DARS1: variants seen among roughly 807,000 people sequenced by gnomAD.
DARS1 encodes aspartyl-tRNA synthetase 1, also known as aspartate--tRNA ligase, cytoplasmic.
A neutral mutation model predicts 68.8 loss-of-function variants in DARS1; 51 were observed. The observed-to-expected ratio is 0.74, with a 90% CI of 0.59 to 0.94. The LOEUF (loss-of-function observed/expected upper bound fraction) is 0.94, where lower values mean the gene tolerates loss of function less well. DARS1 is among the 40% of genes least tolerant of loss of function. The probability of loss-of-function intolerance (pLI) is 0.00; values close to 1 mark genes in which losing one functional copy is unlikely to be tolerated. For synonymous variants in DARS1, 203 were observed against 190.4 expected, an observed-to-expected ratio of 1.07 and a Z score of -0.55; for missense variants, 607 against 597.3, an observed-to-expected ratio of 1.02 and a Z score of -0.17.
chr2:135,917,357 G>T (rs779291161), intron 10 of DARS1, among the ~76,000 whole-genome samples: 1 of 151,902 alleles, frequency 6.6e-6, no homozygotes, highest in African/African-American at 2.4e-5. Context: ...TTTTGTATGT[G>T]TTTGAAATTT....
At chr2:135,915,442 A>C (rs1680984392) in intron 11 of DARS1, among the ~76,000 whole-genome samples, 1 of 151,960 alleles carries the variant, frequency 6.6e-6, no homozygotes, top group Admixed American at 6.6e-5. Context: ...GTGTGCCACC[A>C]TGTTCAGCTA....
intron 9 of DARS1, among the ~76,000 whole-genome samples, chr2:135,921,163 A>C (rs1681104171): frequency 1.3e-5 from 2 of 150,118 alleles, no homozygotes; most frequent in South Asian, 4.3e-4. Flanking sequence ...CCTCCTGTCC[A>C]GTCTTTTTGA....
chr2:135,917,905 A>T (rs1681041030), intron 10 of DARS1, among the ~76,000 whole-genome samples: 1 of 151,474 alleles, frequency 6.6e-6, no homozygotes, highest in Admixed American at 6.6e-5. Flanking sequence ...AAGACCCCAT[A>T]ATTGATTTTT....
At chr2:135,917,158 C>A (rs886636095) in intron 10 of DARS1, among the ~76,000 whole-genome samples, 3 of 150,112 alleles carry the variant, frequency 2.0e-5, no homozygotes, top group Non-Finnish European at 3.0e-5. Context: ...AGACTCGTCT[C>A]AAAAAAAAGA....
At chr2:135,953,766 T>C (rs1051474240) in intron 4 of DARS1, among the ~76,000 whole-genome samples, 2 of 152,212 alleles carry the variant, frequency 1.3e-5, no homozygotes, top group African/African-American at 2.4e-5. Context: ...TACTGCTTTA[T>C]AGTGGAAGAG....
At chr2:135,907,867 A>C (rs896246493) in intron 15 of DARS1, among the ~76,000 whole-genome samples, 3 of 152,188 alleles carry the variant, frequency 2.0e-5, no homozygotes, top group Non-Finnish European at 4.4e-5. Context: ...ACCCTACGAT[A>C]AAAAGCTCTG....
rs536073545 is a variant in DARS1 at position 135,961,202 on chromosome 2, A to G, written c.320+194T>C. On this transcript the variant is annotated intron_variant, in intron 4 of 15. Transcript: ENST00000264161. ...AGTGCTGCTTCAGCAGTTCCAAATG[A>G]ATTTCAAGCCTGTGCTCCATATTTT... Among the ~76,000 whole-genome samples the G allele has an allele frequency of 6.6e-5, 10 of 152,350 alleles. No homozygotes were observed. The South Asian group carries it at 2.1e-3, about 32-fold the overall frequency.
intron 5 of DARS1, among the ~76,000 whole-genome samples, chr2:135,937,357 T>C (rs1681493320): frequency 6.6e-6 from 1 of 152,024 alleles, no homozygotes; most frequent in South Asian, 2.1e-4. Context: ...TCAATGATAA[T>C]GAGCTCTTTC....
chr2:135,925,531 T>A (rs1681195917), intron 7 of DARS1, among the ~76,000 whole-genome samples: 1 of 152,238 alleles, frequency 6.6e-6, no homozygotes, highest in Non-Finnish European at 1.5e-5. Flanking sequence ...GAATGATATT[T>A]AAATAATCTT....
Position 135,916,352 on chromosome 2 carries a change from G to T in DARS1, c.980C>A (p.Thr327Lys). The T allele has an allele frequency of 6.6e-7, 1 of 1,515,882 alleles. No individual in the cohort carries two copies. The highest frequency in any genetic ancestry group is 9.2e-7 in the Non-Finnish European group (1 of 1,091,340). 93.9% of individuals were successfully genotyped at this position (1,515,882 alleles called of 1,614,324 possible). Reference sequence around the variant, plus strand: ...CTCACATGGGAACTGTTTATTCACTGTTTGAATTTCAGTCTGAAACCTATT... The same window carrying T: ...CTCACATGGGAACTGTTTATTCACTTTTTGAATTTCAGTCTGAAACCTATT... ...LQERFQTEIQ[T>K]VNKQFPCEPF... Residue 327 changes from threonine to lysine, a missense_variant, in exon 11 of 16, where the codon ACA (threonine) becomes AAA (lysine). Thr to Lys is a moderately conservative substitution (Grantham distance 78). Transcript: ENST00000264161.
chr2:135,974,574 A>T (rs568977633), intron 3 of DARS1, among the ~76,000 whole-genome samples: 1 of 149,764 alleles, frequency 6.7e-6, no homozygotes, highest in South Asian at 2.1e-4. Context: ...TCTACTTTTT[A>T]AAACTTTGCC....
chr2:135,968,209 A>G lies in DARS1; in HGVS notation c.218-6711T>C, dbSNP rs146077389. ...AACCCGGCAGGTGGAGGTTGCAGTG[A>G]GTTGAGATCATATCACTGCACTCCA... is the stretch of plus-strand genomic sequence containing the variant. On this transcript the variant is annotated intron_variant, in intron 3 of 15. Coordinates refer to ENST00000264161, the MANE Select transcript of DARS1 (RefSeq NM_001349.4). Among the ~76,000 whole-genome samples, 1,312 of 152,294 alleles carry G rather than the reference A, an allele frequency of 8.6e-3. 16 individuals are homozygous for G. The highest frequency in any genetic ancestry group is 0.028 in the African/African-American group (1,158 of 41,556).
chr2:135,932,183 T>C (rs995970414), intron 7 of DARS1, among the ~76,000 whole-genome samples: 1 of 152,186 alleles, frequency 6.6e-6, no homozygotes, highest in African/African-American at 2.4e-5. Flanking sequence ...TTGAGTAGAA[T>C]ATTTAAGTAA....
chr2:135,943,642 G>A (rs1026446906), intron 4 of DARS1, among the ~76,000 whole-genome samples, 162 bp from the exon 5 acceptor site: 4 of 152,126 alleles, frequency 2.6e-5, no homozygotes, highest in Admixed American at 6.6e-5. Flanking sequence ...AAGCTATTAC[G>A]TAGCATACCT....
intron 7 of DARS1, among the ~76,000 whole-genome samples, chr2:135,925,011 T>C (rs969702761): frequency 6.6e-6 from 1 of 152,168 alleles, no homozygotes; most frequent in African/African-American, 2.4e-5. Flanking sequence ...AAAAATACAA[T>C]AAAAGGGGTA....
chr2:135,972,024 C>G lies in DARS1; in HGVS notation c.217+7250G>C, dbSNP rs115248017. 8.4e-3 allele frequency among the ~76,000 whole-genome samples: 1,275 copies of G among 152,088 alleles called. 14 individuals carry two copies. Among genetic ancestry groups the G allele is most frequent in the African/African-American group, 0.027 (1,131 of 41,468 alleles). ...TACTACTCAAAGTAATCTACATATTCAGTGCAATCCCTATCAAAATGCCAA... is the reference window on the plus strand; with the variant it reads ...TACTACTCAAAGTAATCTACATATTGAGTGCAATCCCTATCAAAATGCCAA... On this transcript the variant is annotated intron_variant, in intron 3 of 15. Coordinates refer to ENST00000264161, the MANE Select transcript of DARS1 (RefSeq NM_001349.4).
At chr2:135,918,462 A>G (rs1432067333) in intron 10 of DARS1, among the ~76,000 whole-genome samples, 1 of 152,196 alleles carries the variant, frequency 6.6e-6, no homozygotes, top group Non-Finnish European at 1.5e-5. Context: ...GGAACATGAC[A>G]CAGGTCAGAT....
intron 4 of DARS1, among the ~76,000 whole-genome samples, chr2:135,960,058 A>G (rs1287501248): frequency 1.3e-5 from 2 of 151,996 alleles, no homozygotes; most frequent in Non-Finnish European, 2.9e-5. Context: ...TTTATGTTTG[A>G]CTTCATAGGA....
At chr2:135,907,990 A>G (rs576454889) in intron 15 of DARS1, among the ~76,000 whole-genome samples, 1 of 152,336 alleles carries the variant, frequency 6.6e-6, no homozygotes, top group African/African-American at 2.4e-5. Context: ...AGATGTAAAA[A>G]GAATGAAAAA....
Sources: allele counts gnomAD v4.1 joint callset (sites outside exome capture counted in the v4.1 genomes callset), GRCh38; gene constraint gnomAD v4.1.1; transcripts MANE v1.5; gene names NCBI Gene and HGNC (gene_info 2026-07-23, HGNC 2026-07-21).